The following GTF3C1 variants were observed in gnomAD, a reference collection of about 807,000 sequenced individuals.
GTF3C1 encodes the protein general transcription factor 3C polypeptide 1.
GTF3C1 carries 57 observed loss-of-function variants against 226.7 expected under a neutral mutation model. That is an observed-to-expected ratio of 0.25 (90% CI 0.20 to 0.31). The LOEUF (loss-of-function observed/expected upper bound fraction) is 0.31, where lower values mean the gene tolerates loss of function less well. GTF3C1 is among the 10% of genes least tolerant of loss of function. GTF3C1 has a pLI of 1.00. For missense variants in GTF3C1, 2,217 were observed against 2,776.1 expected (o/e 0.80, Z 4.53); for synonymous variants, 1,090 against 1,084.8 (o/e 1.00, Z -0.09).
intron 29 of GTF3C1, among the ~76,000 whole-genome samples, chr16:27,472,589 C>T (rs1329217520): frequency 1.3e-5 from 2 of 152,350 alleles, no homozygotes; most frequent in East Asian, 3.9e-4. Flanking sequence ...GGACCCTGCC[C>T]GCCCAGCCAC....
rs201456699 is a variant in GTF3C1 at position 27,464,657 on chromosome 16, G to A, written c.5535C>T (p.Ser1845=). 4.6e-5 allele frequency: 70 copies of A among 1,536,512 alleles called. 3 individuals are homozygous for A. The highest frequency in any genetic ancestry group is 3.9e-4 in the Admixed American group (18 of 45,732). ...AAGGAGGTGCCTGCCCCTCGGGGGG[G>A]CTGTCCTCACTGGAAGACCCCTCCA... The part of the protein sequence containing the change: ...RPLEGSSSED[S]PPEGQAPPSH... The change falls in exon 34 of 37, where the codon AGC becomes AGT. Residue 1845 remains serine, a synonymous_variant. Transcript: ENST00000356183.
chr16:27,536,727 TCCA>T lies in GTF3C1; in HGVS notation c.752+1054_752+1056del, dbSNP rs112940299. Among the ~76,000 whole-genome samples the T allele has an allele frequency of 9.4e-3, 1,428 of 152,210 alleles. 23 individuals carry two copies. Among genetic ancestry groups the T allele is most frequent in the African/African-American group, 0.033 (1,366 of 41,534 alleles). Reference sequence around the variant, plus strand: ...CCATTATCCCTCATTGCTGCCTACCTCCACCCCAGAGAGCTGCTGGCCAGGTAC... The same window carrying T: ...CCATTATCCCTCATTGCTGCCTACCTCCCCAGAGAGCTGCTGGCCAGGTAC... On this transcript the variant is annotated intron_variant, in intron 4 of 36. Transcript: ENST00000356183.
In GTF3C1 at chr16:27,461,847, C is replaced by A; in HGVS notation, c.6118-285G>T. 2.2e-6 allele frequency: 1 copy of A among 449,252 alleles called. No homozygotes were observed. The highest frequency in any genetic ancestry group is 4.0e-6 in the Non-Finnish European group (1 of 248,498). 27.8% of individuals were successfully genotyped at this position (449,252 alleles called of 1,614,324 possible). A position where few individuals can be genotyped will look rare whatever the true frequency, so the allele number is the denominator to read the frequency against. ...GCCTGCAGCGCGGGATAAATCCCAG[C>A]TTCCTGTGAGCCAAGACTGGCTTCC... On this transcript the variant is annotated intron_variant, in intron 36 of 36. Coordinates refer to ENST00000356183, the MANE Select transcript of GTF3C1 (RefSeq NM_001520.4). The surrounding 1 kb of genome is among the most constrained non-coding windows in gnomAD (Gnocchi z 5.3).
At chr16:27,508,423 T>G in intron 8 of GTF3C1, 117 bp downstream of exon 8, 1 of 762,564 alleles carries the variant, frequency 1.3e-6, no homozygotes, top group Non-Finnish European at 2.2e-6. Context: ...GGGAGGCCAT[T>G]TGCCTCCTTG....
At chr16:27,467,478 AAGG>A (rs1188553135) in intron 32 of GTF3C1, among the ~76,000 whole-genome samples, 1 of 152,226 alleles carries the variant, frequency 6.6e-6, no homozygotes, top group Non-Finnish European at 1.5e-5. Flanking sequence ...GGAGATGTTC[AAGG>A]AGATGAATGT....
rs2087703818 is a variant in GTF3C1 at position 27,461,486 on chromosome 16, A to G, written c.6194T>C (p.Val2065Ala). 2 of 1,613,882 alleles carry G rather than the reference A, an allele frequency of 1.2e-6. No individual in the cohort carries two copies. Among genetic ancestry groups the G allele is most frequent in the Non-Finnish European group, 1.7e-6 (2 of 1,179,854 alleles). The change falls in exon 37 of 37, where the codon GTG (valine) becomes GCG (alanine). Residue 2065 changes from valine to alanine, a missense_variant. Around this residue, in one of 12 missense-constraint regions of GTF3C1, gnomAD observed 153 missense variants for 199.8 expected, o/e 0.77. Transcript: ENST00000356183. This position sits in a 1 kb window ranked among gnomAD's most constrained non-coding sequence, Gnocchi z 5.3. Reference protein sequence around the residue: ...PRPVSLFSTPVVEEVEVPSSL... With the variant: ...PRPVSLFSTPAVEEVEVPSSL... Reference sequence around the variant, plus strand: ...GGAGGGCACTTCCACCTCTTCCACCACGGGTGTAGAGAAGAGCGAGACAGG... The same window carrying G: ...GGAGGGCACTTCCACCTCTTCCACCGCGGGTGTAGAGAAGAGCGAGACAGG...
At chr16:27,481,814 C>T (rs1332029775) in intron 26 of GTF3C1, among the ~76,000 whole-genome samples, 1 of 152,194 alleles carries the variant, frequency 6.6e-6, no homozygotes, top group Non-Finnish European at 1.5e-5. Context: ...TCTCCCCTCA[C>T]TGTTGCTGCC....
intron 6 of GTF3C1, among the ~76,000 whole-genome samples, chr16:27,522,776 C>T (rs1467506727): frequency 2.0e-5 from 3 of 152,194 alleles, no homozygotes; most frequent in Non-Finnish European, 4.4e-5. Context: ...CTTTCAGCAA[C>T]ATTTTGTAGT....
intron 2 of GTF3C1, 150 bp from the exon 3 acceptor site, chr16:27,538,506 A>C: frequency 3.6e-6 from 2 of 550,280 alleles, no homozygotes; most frequent in Non-Finnish European, 6.4e-6. Flanking sequence ...TTTCAGTCTT[A>C]GAAGTGTAGT....
chr16:27,533,429 C>G, intron 4 of GTF3C1, 42 bp from the exon 5 acceptor site: 1 of 1,047,502 alleles, frequency 9.5e-7, no homozygotes, highest in Non-Finnish European at 1.5e-6. Context: ...AAACCTGTTG[C>G]TGAAGTCAAT....
At chr16:27,508,753 G>A (rs2088525605) in intron 7 of GTF3C1, 98 bp from the exon 8 acceptor site, 2 of 821,358 alleles carry the variant, frequency 2.4e-6, no homozygotes. Context: ...TTTTGATGCT[G>A]TGAAATTAAC....
rs188242239 is a variant in GTF3C1 at position 27,498,823 on chromosome 16, A to T, written c.2062-90T>A. 7.0e-5 allele frequency: 53 copies of T among 752,428 alleles called. No individual in the cohort carries two copies. In the Admixed American group the frequency reaches 1.0e-3, roughly 14 times the overall value. 46.6% of individuals were successfully genotyped at this position (752,428 alleles called of 1,614,324 possible). A position where few individuals can be genotyped will look rare whatever the true frequency, so the allele number is the denominator to read the frequency against. ...GTCGATTCCTAGTGGAACCTCAGTC[A>T]TACCTGTTTTCATTAACATTTCCAA... On this transcript the variant is annotated intron_variant, in intron 12 of 36. Coordinates refer to ENST00000356183, the MANE Select transcript of GTF3C1 (RefSeq NM_001520.4).
chr16:27,517,471 G>A (rs539266413), intron 6 of GTF3C1, among the ~76,000 whole-genome samples: 84 of 152,238 alleles, frequency 5.5e-4, no homozygotes, highest in African/African-American at 2.0e-3. Flanking sequence ...GAGGAACTGG[G>A]GACTTGGCTA....
chr16:27,542,418 G>C (rs909961794), intron 2 of GTF3C1, among the ~76,000 whole-genome samples: 1 of 152,028 alleles, frequency 6.6e-6, no homozygotes, highest in Non-Finnish European at 1.5e-5. Context: ...AAAATTAGCC[G>C]GGCATGGTAG....
chr16:27,511,824 C>T lies in GTF3C1; in HGVS notation c.1051G>A (p.Glu351Lys), dbSNP rs2088576183. 6.2e-7 allele frequency: 1 copy of T among 1,614,176 alleles called. No individual in the cohort carries two copies. The highest frequency in any genetic ancestry group is 8.5e-7 in the Non-Finnish European group (1 of 1,180,020). The change falls in exon 7 of 37, where the codon GAG becomes AAG. Residue 351 changes from glutamate (E) to lysine (K), a missense_variant. By Grantham distance (56) the Glu-to-Lys change is moderately conservative. Coordinates refer to ENST00000356183, the MANE Select transcript of GTF3C1 (RefSeq NM_001520.4). ...RNDHDDDEDEEVISKTVPPVD... is the reference protein window; with the variant it reads ...RNDHDDDEDEKVISKTVPPVD... ...GGAGGCACTGTCTTGGAGATGACCT[C>T]CTCGTCCTCGTCATCATCATGGTCA...
chr16:27,549,646 C>CGCCAG (rs780439335), intron 1 of GTF3C1, 24 bp downstream of exon 1: 8 of 1,208,532 alleles, frequency 6.6e-6, no homozygotes, highest in Admixed American at 2.1e-5. Context: ...CCCGCCCGCC[C>CGCCAG]GCCAGGCCAG....
chr16:27,482,211 G>A (rs569210057), intron 26 of GTF3C1, among the ~76,000 whole-genome samples: 2 of 152,186 alleles, frequency 1.3e-5, no homozygotes, highest in African/African-American at 4.8e-5. Context: ...CAACCAGGGG[G>A]TGACTGGCAT....
chr16:27,481,747 T>C (rs1395317545), intron 26 of GTF3C1, among the ~76,000 whole-genome samples: 1 of 152,186 alleles, frequency 6.6e-6, no homozygotes, highest in Non-Finnish European at 1.5e-5. Flanking sequence ...CTGGTGGCTA[T>C]GTAGGACGCA....
intron 9 of GTF3C1, 24 bp downstream of exon 9, chr16:27,506,823 C>A (rs149548837): frequency 1.3e-6 from 2 of 1,566,988 alleles, no homozygotes; most frequent in African/African-American, 2.7e-5. Flanking sequence ...CACGCAGCCC[C>A]TGCCCACCCC....
Sources: allele counts gnomAD v4.1 joint callset (sites outside exome capture counted in the v4.1 genomes callset), GRCh38; gene constraint gnomAD v4.1.1; regional missense constraint gnomAD v4.1.1; non-coding constraint Gnocchi (gnomAD v3.1); transcripts MANE v1.5; gene names NCBI Gene and HGNC (gene_info 2026-07-23, HGNC 2026-07-21).